The following NXF1 variants were observed in gnomAD, a reference collection of about 807,000 sequenced individuals.
NXF1 encodes the protein nuclear RNA export factor 1, also known as mRNA export factor TAP.
A neutral mutation model predicts 92.4 loss-of-function variants in NXF1; 43 were observed. That is an observed-to-expected ratio of 0.47 (90% confidence interval 0.36 to 0.60). The LOEUF is 0.60. NXF1 is among the 20% of genes least tolerant of loss of function. The pLI is 0.00. For missense variants in NXF1, 576 were observed against 793.0 expected (o/e 0.73, Z 3.29); for synonymous variants, 288 against 292.2 (o/e 0.99, Z 0.15).
intron 5 of NXF1, 53 bp from the exon 6 acceptor site, chr11:62,801,872 AG>A: frequency 6.2e-7 from 1 of 1,604,118 alleles, no homozygotes; most frequent in East Asian, 2.2e-5. Flanking sequence ...CTAAGCCGCA[AG>A]AACAAGACCC....
chr11:62,804,024 C>T, intron 1 of NXF1, 46 bp from the exon 2 acceptor site: 1 of 1,602,424 alleles, frequency 6.2e-7, no homozygotes, highest in East Asian at 2.2e-5. Context: ...GTAACTGGTC[C>T]GGTTTGGTGT....
intron 11 of NXF1, among the ~76,000 whole-genome samples, chr11:62,798,153 G>A (rs934594067): frequency 6.7e-6 from 1 of 150,102 alleles, no homozygotes; most frequent in African/African-American, 2.5e-5. Flanking sequence ...AGGGCCTGGT[G>A]CGAGTGGCTC....
At chr11:62,805,247 C>A (rs574442552) in intron 1 of NXF1, 82 bp downstream of exon 1, 1 of 1,400,356 alleles carries the variant, frequency 7.1e-7, no homozygotes, top group Non-Finnish European at 9.5e-7. Flanking sequence ...AGCGGCCTCA[C>A]GCCCCGGGGG....
At chr11:62,800,290 C>T in intron 10 of NXF1, 87 bp downstream of exon 10, 1 of 1,593,274 alleles carries the variant, frequency 6.3e-7, no homozygotes, top group Non-Finnish European at 8.6e-7. Context: ...CTGCACATCT[C>T]CGCAGACGGG....
chr11:62,801,085 A>T lies in NXF1; in HGVS notation c.906+9T>A. ...CCTTCAAAAATATAGCCGAGCTATC[A>T]ATTCTCACTTCATTTCCAGAAAGGT... On this transcript the variant is annotated intron_variant, in intron 9 of 20. Transcript: ENST00000294172. 6.2e-7 allele frequency: 1 copy of T among 1,602,428 alleles called. No homozygotes were observed. The highest frequency in any genetic ancestry group is 8.6e-7 in the Non-Finnish European group (1 of 1,169,392).
At chr11:62,798,436 TAA>T (rs373725740) in intron 11 of NXF1, 101 bp downstream of exon 11, 8,047 of 1,133,980 alleles carry the variant, frequency 7.1e-3, no homozygotes, top group Admixed American at 0.01. Context: ...CCGTCTCAAA[TAA>T]AAAAAAAAAA....
At chr11:62,800,916 G>A (rs564264264) in intron 9 of NXF1, among the ~76,000 whole-genome samples, 178 bp downstream of exon 9, 12 of 152,264 alleles carry the variant, frequency 7.9e-5, no homozygotes, top group East Asian at 5.8e-4. Context: ...GACTAGAGGC[G>A]TGCAAACTCC....
In NXF1 at chr11:62,799,507, G is replaced by C; in HGVS notation, c.1016+870C>G. The C allele has an allele frequency of 7.1e-6, 7 of 985,838 alleles. No homozygotes were observed. In the South Asian group the frequency reaches 3.3e-4, roughly 46 times the overall value. The allele number at this position is 985,838 out of a possible 1,614,324, so 61.1% of individuals were successfully genotyped here. A position where few individuals can be genotyped will look rare whatever the true frequency, so the allele number is the denominator to read the frequency against. On this transcript the variant is annotated intron_variant, in intron 10 of 20. Transcript: ENST00000294172. ...CTCTGTTGCCCCCAAGTTCTCTCCT[G>C]ATGGCCCCTCTGCGACTGTGCCTGT...
rs2084485144 is a variant in NXF1, at chr11:62,802,063, G to A, written c.454-17C>T. ...ATAGTGAAACTACAAGAGGAAACAG[G>A]AGCATTACACTGGGAGTCCAGAGCC... On this transcript the variant is annotated splice_polypyrimidine_tract_variant and intron_variant, in intron 4 of 20. Coordinates refer to ENST00000294172, the MANE Select transcript of NXF1 (RefSeq NM_006362.5). The A allele has an allele frequency of 5.0e-6, 8 of 1,612,886 alleles. No individual in the cohort carries two copies. The highest frequency in any genetic ancestry group is 6.8e-6 in the Non-Finnish European group (8 of 1,178,852).
In NXF1 at chr11:62,797,199, A is replaced by G; in HGVS notation, c.1162T>C (p.Leu388=). 6.2e-7 allele frequency: 1 copy of G among 1,614,188 alleles called. No individual in the cohort carries two copies. The highest frequency in any genetic ancestry group is 2.2e-5 in the East Asian group (1 of 44,890). Residue 388 remains leucine, a synonymous_variant, in exon 13 of 21, where the codon TTG becomes CTG. Transcript: ENST00000294172. The part of the protein sequence containing the change: ...FGTENLKSLV[L]HFLQQYYAIY... ...GATACTTACTGTTGCAGGAAGTGCA[A>G]GACCAGACTCTTCAAGTTTTCTGTT...
chr11:62,794,134 C>T, intron 19 of NXF1, 124 bp downstream of exon 19: 16 of 834,748 alleles, frequency 1.9e-5, no homozygotes, highest in Non-Finnish European at 2.9e-5. Flanking sequence ...CACTATACTC[C>T]AGCCTGGATG....
At chr11:62,799,271 C>T in intron 10 of NXF1, 2 of 985,572 alleles carry the variant, frequency 2.0e-6, no homozygotes, top group Non-Finnish European at 2.4e-6. Context: ...CTTTCAGCTG[C>T]CCCATCCCTG....
At chr11:62,794,550 A>G (rs1482615080) in intron 18 of NXF1, 110 bp from the exon 19 acceptor site, 2 of 924,808 alleles carry the variant, frequency 2.2e-6, no homozygotes, top group Non-Finnish European at 3.3e-6. Flanking sequence ...TCCCACTCTT[A>G]GCTATTGTTA....
chr11:62,799,097 G>T, intron 10 of NXF1: 1 of 987,638 alleles, frequency 1.0e-6, no homozygotes, highest in Non-Finnish European at 1.2e-6. Context: ...AGGAAAAAGA[G>T]AAAAAGGCAA....
chr11:62,800,410 C>T lies in NXF1; in HGVS notation c.983G>A (p.Cys328Tyr). Residue 328 changes from cysteine (C) to tyrosine (Y), a missense_variant, in exon 10 of 21, where the codon TGT (cysteine) becomes TAT (tyrosine). Physicochemically the swap from Cys to Tyr is radical, Grantham distance 194 (BLOSUM62 -2). Around this residue, in one of 2 missense-constraint regions of NXF1, gnomAD observed 425 missense variants for 635.2 expected, o/e 0.67. Coordinates refer to ENST00000294172, the MANE Select transcript of NXF1 (RefSeq NM_006362.5). ...EELWLDGNSLCDTFRDQSTYI... is the reference protein window; with the variant it reads ...EELWLDGNSLYDTFRDQSTYI... Reference sequence around the variant, plus strand: ...GGTGGACTGGTCTCGGAAGGTGTCACACAGGGAGTTTCCATCGAGCCAGAG... The same window carrying T: ...GGTGGACTGGTCTCGGAAGGTGTCATACAGGGAGTTTCCATCGAGCCAGAG... The T allele has an allele frequency of 1.2e-6, 2 of 1,614,014 alleles. No homozygotes were observed. Among genetic ancestry groups the T allele is most frequent in the Non-Finnish European group, 1.7e-6 (2 of 1,179,978 alleles).
At chr11:62,804,119 T>C (rs1484212760) in intron 1 of NXF1, 141 bp from the exon 2 acceptor site, 2 of 1,560,008 alleles carry the variant, frequency 1.3e-6, no homozygotes, top group Non-Finnish European at 1.7e-6. Context: ...CTCCGCTCCC[T>C]ATCCACAGGA....
At chr11:62,801,476 T>A in intron 7 of NXF1, 59 bp from the exon 8 acceptor site, 1 of 1,606,526 alleles carries the variant, frequency 6.2e-7, no homozygotes, top group East Asian at 2.2e-5. Context: ...ATGCCAGCAT[T>A]AGCAGTAAAA....
At chr11:62,795,427 G>T (rs545346596) in intron 17 of NXF1, 5 of 205,726 alleles carry the variant, frequency 2.4e-5, no homozygotes, top group African/African-American at 4.6e-5. Flanking sequence ...AGTGAGCCAA[G>T]ATTGCGCCAC....
intron 11 of NXF1, 103 bp downstream of exon 11, chr11:62,798,436 T>TAAAA (rs373725740): frequency 2.4e-5 from 28 of 1,181,308 alleles, no homozygotes; most frequent in African/African-American, 4.5e-5. Context: ...CCGTCTCAAA[T>TAAAA]AAAAAAAAAA....
Sources: gnomAD v4.1 joint callset for allele counts (sites outside exome capture counted in the v4.1 genomes callset) on GRCh38, gnomAD v4.1.1 for gene constraint, gnomAD v4.1.1 regional missense constraint, MANE v1.5 for transcripts, NCBI Gene and HGNC (gene_info 2026-07-23, HGNC 2026-07-21) for gene names.